Variants in SKAP1 observed in about 807,000 individuals in gnomAD.
SKAP1 encodes src kinase-associated phosphoprotein 1.
A neutral mutation model predicts 58.5 loss-of-function variants in SKAP1; 44 were observed. The observed-to-expected ratio is 0.75, with a 90% CI of 0.59 to 0.97. SKAP1 has a LOEUF of 0.97. SKAP1 is among the 50% of genes least tolerant of loss of function. The probability of loss-of-function intolerance (pLI) is 0.00; values close to 1 mark genes in which losing one functional copy is unlikely to be tolerated. For missense variants in SKAP1, 390 were observed against 435.2 expected (o/e 0.90, Z 0.92); for synonymous variants, 127 against 149.7 (o/e 0.85, Z 1.11).
At chr17:48,296,682 T>C (rs2065978358) in intron 4 of SKAP1, among the ~76,000 whole-genome samples, 1 of 152,094 alleles carries the variant, frequency 6.6e-6, no homozygotes, top group Non-Finnish European at 1.5e-5. Flanking sequence ...CAGCTGGGAG[T>C]AGACACTGGC....
intron 4 of SKAP1, among the ~76,000 whole-genome samples, chr17:48,301,062 T>G (rs1438511969): frequency 6.6e-6 from 1 of 152,128 alleles, no homozygotes; most frequent in African/African-American, 2.4e-5. Flanking sequence ...TGCTGGAAAA[T>G]CAGCTCAGAT....
chr17:48,227,921 A>G (rs1165866234), intron 4 of SKAP1, among the ~76,000 whole-genome samples: 1 of 152,208 alleles, frequency 6.6e-6, no homozygotes, highest in African/African-American at 2.4e-5. Context: ...TGTGTCTGGA[A>G]CACAATATGC....
intron 11 of SKAP1, chr17:48,156,579 C>T (rs2063980926): frequency 2.4e-6 from 1 of 410,366 alleles, no homozygotes. Context: ...AACACAGGAA[C>T]ATCCGCTGGA....
At chr17:48,205,015 T>TTCTTTCTTTC (rs751542564) in intron 4 of SKAP1, among the ~76,000 whole-genome samples, 2 of 55,676 alleles carry the variant, frequency 3.6e-5, no homozygotes, top group Non-Finnish European at 7.1e-5. Context: ...CTTTCTTTCT[T>TTCTTTCTTTC]TTTCTTTCTT....
intron 3 of SKAP1, among the ~76,000 whole-genome samples, chr17:48,363,366 G>A (rs1213298889): frequency 6.6e-6 from 1 of 152,202 alleles, no homozygotes; most frequent in East Asian, 1.9e-4. Flanking sequence ...CAGGCAGGCT[G>A]TGTGGAAGGG....
intron 4 of SKAP1, among the ~76,000 whole-genome samples, chr17:48,293,022 T>C (rs1408225711): frequency 6.6e-6 from 1 of 152,140 alleles, no homozygotes; most frequent in Non-Finnish European, 1.5e-5. Flanking sequence ...AAAATATACG[T>C]CGTAAAACTT....
chr17:48,314,969 AAT>A (rs1009316351), intron 4 of SKAP1, among the ~76,000 whole-genome samples: 1 of 152,164 alleles, frequency 6.6e-6, no homozygotes, highest in African/African-American at 2.4e-5. Flanking sequence ...GGCCTTTGTT[AAT>A]ATATATTAAT....
At chr17:48,357,926 G>A (rs981595822) in intron 3 of SKAP1, among the ~76,000 whole-genome samples, 1 of 152,208 alleles carries the variant, frequency 6.6e-6, no homozygotes, top group Non-Finnish European at 1.5e-5. Context: ...TGTCAAGACT[G>A]TTGATGTTAA....
chr17:48,180,160 G>A lies in SKAP1; in HGVS notation c.720C>T (p.Ser240=). 6.2e-7 allele frequency: 1 copy of A among 1,613,856 alleles called. No homozygotes were observed. The highest frequency in any genetic ancestry group is 8.5e-7 in the Non-Finnish European group (1 of 1,179,908). The stretch of plus-strand genomic sequence containing the variant: ...GTCTGCACTGGGAACCACAACTTGG[G>A]GAGTCAAAACCATCAATATCATCAT... The part of the protein sequence containing the change: ...ETYDDIDGFD[S]PSCGSQCRPT... Residue 240 remains serine, a synonymous_variant, in exon 9 of 13, where the codon TCC becomes TCT. Transcript: ENST00000336915.
At chr17:48,160,607 G>A (rs181002655) in intron 11 of SKAP1, among the ~76,000 whole-genome samples, 13 of 152,186 alleles carry the variant, frequency 8.5e-5, no homozygotes, top group African/African-American at 2.6e-4. Flanking sequence ...TCTAACTAGA[G>A]GAAAGGGACC....
At chr17:48,214,258 A>G (rs1320939280) in intron 4 of SKAP1, among the ~76,000 whole-genome samples, 1 of 152,202 alleles carries the variant, frequency 6.6e-6, no homozygotes, top group African/African-American at 2.4e-5. Context: ...AGGAACAGAA[A>G]GGATCACAGG....
intron 4 of SKAP1, among the ~76,000 whole-genome samples, chr17:48,324,942 C>G (rs1295623752): frequency 6.6e-6 from 1 of 151,958 alleles, no homozygotes; most frequent in Non-Finnish European, 1.5e-5. Context: ...TTCTATTGCT[C>G]TTTTAAGACA....
At chr17:48,436,638 C>A in the SKAP1 span, among the ~76,000 whole-genome samples, 1 of 152,064 alleles carries the variant, frequency 6.6e-6, no homozygotes, top group East Asian at 1.9e-4. Context: ...CATCCTTGGT[C>A]TTCTCTATCC....
intron 1 of SKAP1, among the ~76,000 whole-genome samples, chr17:48,408,395 G>T (rs1400868205): frequency 6.6e-6 from 1 of 152,020 alleles, no homozygotes; most frequent in Non-Finnish European, 1.5e-5. Context: ...TCAAACCTTT[G>T]AGTAATAAAT....
intron 4 of SKAP1, among the ~76,000 whole-genome samples, chr17:48,284,064 T>C (rs1300350993): frequency 6.6e-6 from 1 of 152,168 alleles, no homozygotes; most frequent in African/African-American, 2.4e-5. Context: ...ATTGCTAAGA[T>C]TTCCTTTATC....
At chr17:48,166,891 G>T (rs1372370656) in intron 10 of SKAP1, among the ~76,000 whole-genome samples, 2 of 151,550 alleles carry the variant, frequency 1.3e-5, no homozygotes, top group East Asian at 1.9e-4. Context: ...CTGAAATAGG[G>T]TCTTGCTCTG....
Position 48,134,804 on chromosome 17 carries a change from A to G in SKAP1, c.*8-988T>C, listed in dbSNP as rs532234177. Among the ~76,000 whole-genome samples the G allele has an allele frequency of 2.6e-5, 4 of 151,912 alleles. No homozygotes were observed. The East Asian group carries it at 7.7e-4, about 29-fold the overall frequency. On this transcript the variant is annotated intron_variant, in intron 12 of 12. Transcript: ENST00000336915. Reference sequence around the variant, plus strand: ...CTGCAACCTCCGCCTCCCAGGTTCAAGTGATTCTCCTGCCTCAGCTTCCCA... The same window carrying G: ...CTGCAACCTCCGCCTCCCAGGTTCAGGTGATTCTCCTGCCTCAGCTTCCCA...
intron 4 of SKAP1, among the ~76,000 whole-genome samples, chr17:48,327,159 G>A (rs2066448979): frequency 6.6e-6 from 1 of 152,132 alleles, no homozygotes; most frequent in African/African-American, 2.4e-5. Flanking sequence ...CCAAAGTACT[G>A]GGATTACAGG....
At chr17:48,396,570 C>G (rs1056751566) in intron 2 of SKAP1, 110 bp downstream of exon 2, 7 of 615,870 alleles carry the variant, frequency 1.1e-5, no homozygotes, top group Non-Finnish European at 1.9e-5. Flanking sequence ...TAAGTTTCTG[C>G]CAAGTATAAA....
Sources: gnomAD v4.1 joint callset for allele counts (sites outside exome capture counted in the v4.1 genomes callset) on GRCh38, gnomAD v4.1.1 for gene constraint, MANE v1.5 for transcripts, NCBI Gene and HGNC (gene_info 2026-07-23, HGNC 2026-07-21) for gene names.